Variants in WWP1 observed in about 807,000 individuals in gnomAD.
WWP1 encodes the protein NEDD4-like E3 ubiquitin-protein ligase WWP1.
A neutral mutation model predicts 130.6 loss-of-function variants in WWP1; 49 were observed. The ratio of observed to expected loss-of-function variants is 0.38; its 90% CI spans 0.30 to 0.48. The LOEUF (loss-of-function observed/expected upper bound fraction) is 0.48. Ranked by LOEUF, WWP1 falls within the 20% of genes least tolerant of loss-of-function variation. The pLI, the probability that WWP1 is intolerant of heterozygous loss-of-function variation, is 0.99. For missense variants in WWP1, 809 were observed against 1,100.6 expected (o/e 0.74, Z 3.75); for synonymous variants, 332 against 367.8 (o/e 0.90, Z 1.11).
At chr8:86,442,865 T>C in intron 18 of WWP1, 87 bp downstream of exon 18, 1 of 1,331,910 alleles carries the variant, frequency 7.5e-7, no homozygotes. Context: ...AGGATAAGCA[T>C]TATATTTGCT....
In WWP1 at chr8:86,380,745, A is replaced by T. The variant is rs1248538067; in HGVS notation, c.90A>T (p.Lys30Asn). The T allele has an allele frequency of 1.2e-6, 2 of 1,608,946 alleles. No homozygotes were observed. The highest frequency in any genetic ancestry group is 1.7e-6 in the Non-Finnish European group (2 of 1,178,708). ...LQVTVSSAKLKRKKNWFGTAI... is the reference protein window; with the variant it reads ...LQVTVSSAKLNRKKNWFGTAI... ...TGTTAGTTTCTAGTGCCAAACTTAA[A>T]AGAAAAAAGAACTGGTTCGGAACAG... Residue 30 changes from lysine (K) to asparagine (N), a missense_variant, in exon 4 of 25, where the codon AAA (lysine) becomes AAT (asparagine). Physicochemically the swap from Lys to Asn is moderately conservative, Grantham distance 94. This residue lies in a region of WWP1 where 262 missense variants were observed against 346.0 expected (regional missense o/e 0.76). Transcript: ENST00000517970.
intron 9 of WWP1, among the ~76,000 whole-genome samples, chr8:86,412,380 C>T (rs1808635907): frequency 6.6e-6 from 1 of 152,162 alleles, no homozygotes; most frequent in African/African-American, 2.4e-5. Flanking sequence ...TATAATTACT[C>T]AACTTCCCAT....
chr8:86,422,765 G>T (rs1347624489), intron 9 of WWP1, among the ~76,000 whole-genome samples: 1 of 152,056 alleles, frequency 6.6e-6, no homozygotes, highest in African/African-American at 2.4e-5. Flanking sequence ...AAATGAGAAT[G>T]GGAGAAACAA....
intron 20 of WWP1, among the ~76,000 whole-genome samples, chr8:86,450,648 A>T (rs922942196): frequency 6.6e-6 from 1 of 152,238 alleles, no homozygotes; most frequent in Non-Finnish European, 1.5e-5. Flanking sequence ...GAATGCAGCA[A>T]TTTTTGGAGG....
chr8:86,435,744 A>C, intron 16 of WWP1, 40 bp downstream of exon 16: 32 of 1,586,282 alleles, frequency 2.0e-5, no homozygotes, highest in African/African-American at 2.7e-5. Flanking sequence ...CATTTGTCTC[A>C]TTGTATTCTG....
At chr8:86,369,870 G>A (rs1277931736) in intron 2 of WWP1, among the ~76,000 whole-genome samples, 1 of 151,734 alleles carries the variant, frequency 6.6e-6, no homozygotes, top group Non-Finnish European at 1.5e-5. Flanking sequence ...ATACTTTACT[G>A]TATCTACTTC....
At position 86,431,464 on chromosome 8, in the gene WWP1, C is replaced by G; in HGVS notation, c.1446C>G (p.Thr482=). ...TTGTGAATCATAACACAAAAACAAC[C>G]CAGTGGGAAGATCCAAGAACTCAAG... ...VYFVNHNTKT[T]QWEDPRTQGL... Residue 482 remains threonine, a synonymous_variant, in exon 13 of 25, where the codon ACC becomes ACG. Coordinates refer to ENST00000517970, the MANE Select transcript of WWP1 (RefSeq NM_007013.4). The G allele has an allele frequency of 6.2e-7, 1 of 1,609,688 alleles. No homozygotes were observed. The highest frequency in any genetic ancestry group is 8.5e-7 in the Non-Finnish European group (1 of 1,177,748).
chr8:86,438,760 T>C (rs566821477), intron 17 of WWP1, 87 bp downstream of exon 17: 3 of 1,122,512 alleles, frequency 2.7e-6, no homozygotes, highest in East Asian at 2.7e-5. Context: ...TGTGAATATA[T>C]TGTATTAAAT....
At chr8:86,412,263 AG>A (rs367681300) in intron 9 of WWP1, among the ~76,000 whole-genome samples, 427 of 152,254 alleles carry the variant, frequency 2.8e-3, no homozygotes, top group African/African-American at 9.7e-3. Context: ...TCTTTTCCTC[AG>A]CTAATATTGA....
At chr8:86,398,146 A>G (rs1176246509) in intron 5 of WWP1, among the ~76,000 whole-genome samples, 196 bp from the exon 6 acceptor site, 2 of 152,340 alleles carry the variant, frequency 1.3e-5, no homozygotes, top group South Asian at 2.1e-4. Context: ...ATATGCACAG[A>G]AGCAATTAAA....
At chr8:86,385,158 G>A (rs137883740) in intron 5 of WWP1, among the ~76,000 whole-genome samples, 4 of 152,292 alleles carry the variant, frequency 2.6e-5, no homozygotes, top group Non-Finnish European at 5.9e-5. Context: ...GATTTGAGGG[G>A]CAAGGTTATT....
At chr8:86,413,073 C>T (rs908657392) in intron 9 of WWP1, among the ~76,000 whole-genome samples, 4 of 152,126 alleles carry the variant, frequency 2.6e-5, no homozygotes, top group African/African-American at 4.8e-5. Flanking sequence ...ATGATCCACC[C>T]GCCTTGCTTC....
intron 2 of WWP1, among the ~76,000 whole-genome samples, chr8:86,372,564 C>G (rs1824383347): frequency 6.6e-6 from 1 of 152,184 alleles, no homozygotes; most frequent in Admixed American, 6.5e-5. Context: ...TACTGTTTCC[C>G]TTTCATATTT....
intron 2 of WWP1, among the ~76,000 whole-genome samples, chr8:86,372,726 T>C (rs1030735934): frequency 2.6e-5 from 4 of 152,194 alleles, no homozygotes; most frequent in Non-Finnish European, 5.9e-5. Context: ...GGGTTTGTCC[T>C]TATATGCATT....
intron 3 of WWP1, 97 bp downstream of exon 3, chr8:86,374,217 A>G: frequency 1.0e-6 from 1 of 994,006 alleles, no homozygotes; most frequent in Non-Finnish European, 1.5e-6. Context: ...AATTTCTTTT[A>G]GATTCATACT....
Position 86,382,331 on chromosome 8 carries a change from A to G in WWP1, c.334+702A>G, listed in dbSNP as rs144854743. On this transcript the variant is annotated intron_variant, in intron 5 of 24. Transcript: ENST00000517970. ...TGCAAAAATATGGGGGTATGTACAT[A>G]TATGTGTAATTCTGGGGAGAGGGTT... Among the ~76,000 whole-genome samples, 1,506 of 152,306 alleles carry G rather than the reference A, an allele frequency of 9.9e-3. 28 individuals are homozygous for G. The highest frequency in any genetic ancestry group is 0.035 in the African/African-American group (1,435 of 41,558).
chr8:86,467,446 G>C lies in WWP1; in HGVS notation c.*553G>C, dbSNP rs1207998492. On this transcript the variant is annotated 3_prime_UTR_variant, in exon 25 of 25. Coordinates refer to ENST00000517970, the MANE Select transcript of WWP1 (RefSeq NM_007013.4). The stretch of plus-strand genomic sequence containing the variant: ...TTTCTGAAGACAGGTGCTTGAACTT[G>C]TCAGTTTGTTTTAAATAAATACAAT... The C allele has an allele frequency of 6.6e-6, 1 of 151,562 alleles. No individual in the cohort carries two copies. The highest frequency in any genetic ancestry group is 6.6e-5 in the Admixed American group (1 of 15,140). The allele number at this position is 151,562 out of a possible 1,614,324, so 9.4% of individuals were successfully genotyped here.
chr8:86,382,947 G>A (rs896388409), intron 5 of WWP1, among the ~76,000 whole-genome samples: 2 of 152,142 alleles, frequency 1.3e-5, no homozygotes, highest in African/African-American at 4.8e-5. Flanking sequence ...GATGAAAATA[G>A]CAAGTTATCT....
intron 17 of WWP1, 57 bp from the exon 18 acceptor site, chr8:86,442,562 C>G: frequency 1.4e-6 from 2 of 1,448,958 alleles, no homozygotes; most frequent in Non-Finnish European, 1.9e-6. Context: ...TATTTAAGAT[C>G]TGTTTTTAAA....
Sources: gnomAD v4.1 joint callset for allele counts (sites outside exome capture counted in the v4.1 genomes callset) on GRCh38, gnomAD v4.1.1 for gene constraint, gnomAD v4.1.1 regional missense constraint, MANE v1.5 for transcripts, NCBI Gene and HGNC (gene_info 2026-07-23, HGNC 2026-07-21) for gene names.